The following SFMBT1 variants were observed in gnomAD, a reference collection of about 807,000 sequenced individuals.
SFMBT1 encodes the protein Scm like with four mbt domains 1.
Under a neutral mutation model 108.7 loss-of-function variants are expected in SFMBT1, and 32 were observed. The observed-to-expected ratio is 0.29, with a 90% CI of 0.22 to 0.40. The LOEUF (loss-of-function observed/expected upper bound fraction) is 0.40. Ranked by LOEUF, SFMBT1 falls within the 10% of genes least tolerant of loss-of-function variation. The probability of loss-of-function intolerance (pLI) is 1.00; values close to 1 mark genes in which losing one functional copy is unlikely to be tolerated. For missense variants in SFMBT1, 816 were observed against 1,059.6 expected, an observed-to-expected ratio of 0.77 and a Z score of 3.19; for synonymous variants, 348 against 369.5, an observed-to-expected ratio of 0.94 and a Z score of 0.67.
intron 1 of SFMBT1, among the ~76,000 whole-genome samples, chr3:52,976,814 G>T (rs902966547): frequency 2.0e-5 from 3 of 152,122 alleles, no homozygotes; most frequent in African/African-American, 7.2e-5. Context: ...AACGATAATT[G>T]TAGGGAATGA....
chr3:52,941,653 T>C (rs1186397850), intron 4 of SFMBT1, among the ~76,000 whole-genome samples: 1 of 135,810 alleles, frequency 7.4e-6, no homozygotes, highest in African/African-American at 2.7e-5. Flanking sequence ...ATGCCTGTAA[T>C]CCCAACACTT....
intron 2 of SFMBT1, among the ~76,000 whole-genome samples, chr3:52,962,042 T>C (rs1411982877): frequency 6.6e-6 from 1 of 152,176 alleles, no homozygotes; most frequent in Non-Finnish European, 1.5e-5. Flanking sequence ...AATGTGCAAA[T>C]TTTGTTTTAA....
intron 14 of SFMBT1, among the ~76,000 whole-genome samples, chr3:52,914,736 CCT>C (rs758550706): frequency 4.2e-4 from 64 of 152,176 alleles, no homozygotes; most frequent in Non-Finnish European, 6.8e-4. Flanking sequence ...ACAGCGAGAC[CCT>C]GTCTCAAAAC....
chr3:53,014,196 A>AT (rs1440756530), intron 1 of SFMBT1, among the ~76,000 whole-genome samples: 3 of 152,308 alleles, frequency 2.0e-5, no homozygotes, highest in Non-Finnish European at 4.4e-5. Flanking sequence ...AAAATAAAAT[A>AT]TTTACATGTA....
At chr3:52,937,827 C>G (rs534371683) in intron 4 of SFMBT1, among the ~76,000 whole-genome samples, 1 of 152,060 alleles carries the variant, frequency 6.6e-6, no homozygotes, top group South Asian at 2.1e-4. Context: ...GTGATCCACC[C>G]GCCTCGGCCT....
chr3:52,929,744 C>T (rs1221657406), intron 8 of SFMBT1, among the ~76,000 whole-genome samples: 1 of 152,238 alleles, frequency 6.6e-6, no homozygotes, highest in Non-Finnish European at 1.5e-5. Flanking sequence ...TCAACTTTGG[C>T]TTCTATTTTC....
chr3:53,041,578 A>G (rs1050536621), intron 1 of SFMBT1, among the ~76,000 whole-genome samples: 2 of 151,918 alleles, frequency 1.3e-5, no homozygotes, highest in African/African-American at 4.8e-5. Flanking sequence ...CATGCCCATA[A>G]TCCCAGCTAC....
chr3:52,921,164 A>C (rs1415257784), intron 11 of SFMBT1, among the ~76,000 whole-genome samples: 2 of 152,236 alleles, frequency 1.3e-5, no homozygotes, highest in Admixed American at 6.5e-5. Context: ...CAATTCTACA[A>C]ATCAGAAACA....
At chr3:52,906,072 C>G (rs1702057205) in intron 20 of SFMBT1, 41 bp downstream of exon 20, 3 of 1,605,776 alleles carry the variant, frequency 1.9e-6, no homozygotes, top group Non-Finnish European at 2.6e-6. Flanking sequence ...TAATTTATTG[C>G]TAAAGAGACA....
chr3:52,923,623 A>G (rs1314596516), intron 10 of SFMBT1, among the ~76,000 whole-genome samples: 1 of 152,118 alleles, frequency 6.6e-6, no homozygotes, highest in Non-Finnish European at 1.5e-5. Flanking sequence ...AATAAAAAAC[A>G]TGATGTCAAA....
intron 8 of SFMBT1, among the ~76,000 whole-genome samples, chr3:52,928,653 T>TATACACACAC (rs754706976): frequency 5.5e-5 from 1 of 18,036 alleles, no homozygotes; most frequent in Non-Finnish European, 2.4e-4. Flanking sequence ...TATATATATA[T>TATACACACAC]ACACATATAT....
rs1234350638 is a variant in SFMBT1, at chr3:53,004,184, T to TCCTTCCTTCCTTCCTTCTTC, written c.-130-34946_-130-34927dup. Among the ~76,000 whole-genome samples, 16 of 149,058 alleles carry TCCTTCCTTCCTTCCTTCTTC rather than the reference T, an allele frequency of 1.1e-4. 1 individual carries two copies. The highest frequency in any genetic ancestry group is 6.8e-4 in the Admixed American group (10 of 14,680). ...TACCTTCATGGTACTCAGGAGCATT[T>TCCTTCCTTCCTTCCTTCTTC]CCTTCCTTCCTTCCTTCTTCCCTTC... On this transcript the variant is annotated intron_variant, in intron 1 of 20. Transcript: ENST00000394752.
chr3:53,027,796 G>A lies in SFMBT1; in HGVS notation c.-131+18020C>T, dbSNP rs150843268. On this transcript the variant is annotated intron_variant, in intron 1 of 20. Transcript: ENST00000394752. ...GAAATTTGCTTCCTCTTAAAATCCT[G>A]TGAAATTAAAACATGCCTTTAAGCC... Among the ~76,000 whole-genome samples the A allele has an allele frequency of 3.3e-5, 5 of 152,320 alleles. No individual in the cohort carries two copies. In the East Asian group the frequency reaches 9.6e-4, roughly 29 times the overall value.
intron 1 of SFMBT1, among the ~76,000 whole-genome samples, chr3:53,041,838 A>G (rs76206812): frequency 0.014 from 2,036 of 147,308 alleles, 51 homozygotes; most frequent in African/African-American, 0.052. Flanking sequence ...CAAAATCCCC[A>G]CACACTTTTA....
Position 52,904,201 on chromosome 3 carries a change from C to G in SFMBT1, c.*935G>C, listed in dbSNP as rs1418308072. 6.6e-6 allele frequency: 1 copy of G among 152,174 alleles called. No homozygotes were observed. Among genetic ancestry groups the G allele is most frequent in the Non-Finnish European group, 1.5e-5 (1 of 68,038 alleles). The allele number at this position is 152,174 out of a possible 1,614,324, so 9.4% of individuals were successfully genotyped here. ...AAATGAAACAGAGGTAGACAAACAA[C>G]TCTAGAGAAAAGTAAACACAAAATA... On this transcript the variant is annotated 3_prime_UTR_variant, in exon 21 of 21. Transcript: ENST00000394752.
chr3:52,925,045 A>G (rs1395306977), intron 10 of SFMBT1, among the ~76,000 whole-genome samples: 1 of 152,036 alleles, frequency 6.6e-6, no homozygotes, highest in Non-Finnish European at 1.5e-5. Flanking sequence ...ACATGGTGAA[A>G]CCTCATCTCT....
At chr3:53,006,628 C>CAAAAAAAAAA (rs145854514) in intron 1 of SFMBT1, among the ~76,000 whole-genome samples, 5 of 126,314 alleles carry the variant, frequency 4.0e-5, no homozygotes, top group African/African-American at 1.7e-4. Context: ...AACTCCGTCT[C>CAAAAAAAAAA]AAAAAAAAAA....
At chr3:53,006,160 C>T (rs935058724) in intron 1 of SFMBT1, among the ~76,000 whole-genome samples, 1 of 152,186 alleles carries the variant, frequency 6.6e-6, no homozygotes, top group Non-Finnish European at 1.5e-5. Flanking sequence ...TGGAGTTAGC[C>T]TGGAGGCCTT....
intron 2 of SFMBT1, among the ~76,000 whole-genome samples, chr3:52,959,419 G>A (rs962600581): frequency 9.2e-5 from 14 of 152,058 alleles, no homozygotes; most frequent in Middle Eastern, 3.2e-3. Flanking sequence ...TACAAAGGCC[G>A]TACATGACCT....
Sources: allele counts gnomAD v4.1 joint callset (sites outside exome capture counted in the v4.1 genomes callset), GRCh38; gene constraint gnomAD v4.1.1; transcripts MANE v1.5; gene names NCBI Gene and HGNC (gene_info 2026-07-23, HGNC 2026-07-21).